RPS6KA2: variants seen among roughly 807,000 people sequenced by gnomAD.
RPS6KA2 encodes the protein ribosomal protein S6 kinase alpha-2.
A neutral mutation model predicts 91.8 loss-of-function variants in RPS6KA2; 42 were observed. The ratio of observed to expected loss-of-function variants is 0.46; its 90% CI spans 0.36 to 0.59. The LOEUF is 0.59. Among genes scored for constraint, RPS6KA2 ranks in the 20% least tolerant of loss-of-function variants. The pLI is 0.00. For missense variants in RPS6KA2, 798 were observed against 978.5 expected, an observed-to-expected ratio of 0.82 and a Z score of 2.46; for synonymous variants, 414 against 393.6, an observed-to-expected ratio of 1.05 and a Z score of -0.61.
chr6:166,456,689 G>A (rs1434188511), intron 12 of RPS6KA2, among the ~76,000 whole-genome samples: 1 of 152,198 alleles, frequency 6.6e-6, no homozygotes, highest in African/African-American at 2.4e-5. Context: ...TTCTACAGCT[G>A]CTCATTCACC....
chr6:166,681,100 G>A (rs999856578), intron 2 of RPS6KA2, among the ~76,000 whole-genome samples: 1 of 152,224 alleles, frequency 6.6e-6, no homozygotes, highest in Admixed American at 6.5e-5. Context: ...GAAAATTGGA[G>A]AAGGTGGAAA....
At chr6:166,862,306 T>C in exon 1 of RPS6KA2, 2 of 1,552,294 alleles carry the variant, frequency 1.3e-6, no homozygotes, top group South Asian at 1.2e-5. Flanking sequence ...GTGGCGGCGA[T>C]GGAGAGGACA....
rs1210186699 is a variant in RPS6KA2 at position 166,500,391 on chromosome 6, CAG to C, written c.604+494_604+495del. On this transcript the variant is annotated intron_variant, in intron 7 of 20. Transcript: ENST00000265678. This position sits in a 1 kb window ranked among gnomAD's most constrained non-coding sequence, Gnocchi z 4.3. ...GTGGCTGCCAGGGCTCAGATGGAAA[CAG>C]GGAGGGAAGTCACGTGGCCACCACC... Among the ~76,000 whole-genome samples the C allele has an allele frequency of 1.3e-5, 2 of 152,158 alleles. No individual in the cohort carries two copies. The highest frequency in any genetic ancestry group is 4.8e-5 in the African/African-American group (2 of 41,436).
intron 2 of RPS6KA2, among the ~76,000 whole-genome samples, chr6:166,691,483 C>T (rs1304748095): frequency 6.6e-6 from 1 of 152,142 alleles, no homozygotes; most frequent in East Asian, 1.9e-4. Flanking sequence ...CTGCTCCTGG[C>T]TCTCTCTCCT....
At chr6:166,560,740 G>A (rs545049594) in intron 1 of RPS6KA2, among the ~76,000 whole-genome samples, 5 of 152,276 alleles carry the variant, frequency 3.3e-5, no homozygotes, top group South Asian at 2.1e-4. Flanking sequence ...CAGGTGCAAC[G>A]TGACCAAGTG....
intron 16 of RPS6KA2, among the ~76,000 whole-genome samples, chr6:166,425,867 C>A (rs547979191): frequency 0.023 from 3,533 of 152,102 alleles, 61 homozygotes; most frequent in Middle Eastern, 0.037. Context: ...ACTTTAACAC[C>A]CCACTGTCAA....
At chr6:166,498,397 C>G in intron 8 of RPS6KA2, 111 bp downstream of exon 8, 1 of 1,257,972 alleles carries the variant, frequency 7.9e-7, no homozygotes, top group Non-Finnish European at 1.1e-6. Context: ...GTGTCCCAAG[C>G]CCTCAGGCAC....
intron 2 of RPS6KA2, among the ~76,000 whole-genome samples, chr6:166,719,994 C>T (rs115323926): frequency 1.3e-5 from 2 of 152,170 alleles, no homozygotes; most frequent in South Asian, 2.1e-4. Context: ...TAACTCTAAA[C>T]CTTTAGCTGG....
At chr6:166,535,906 G>A (rs1219788944) in intron 2 of RPS6KA2, among the ~76,000 whole-genome samples, 1 of 152,258 alleles carries the variant, frequency 6.6e-6, no homozygotes, top group Non-Finnish European at 1.5e-5. Context: ...TCCCGCTGGT[G>A]GTGAGTGCAG....
intron 1 of RPS6KA2, among the ~76,000 whole-genome samples, chr6:166,567,993 C>A (rs1275525010): frequency 1.3e-5 from 2 of 152,188 alleles, no homozygotes; most frequent in Non-Finnish European, 2.9e-5. Flanking sequence ...GGCAGCTCCT[C>A]CTCCTGGGAA....
chr6:166,506,920 C>T (rs537855234), intron 5 of RPS6KA2, among the ~76,000 whole-genome samples: 1 of 152,286 alleles, frequency 6.6e-6, no homozygotes, highest in East Asian at 1.9e-4. Context: ...GCAGAATCTG[C>T]CTTTTGCCAT....
Position 166,726,180 on chromosome 6 carries a change from A to T in RPS6KA2, c.123+132020T>A, listed in dbSNP as rs1790332961. Among the ~76,000 whole-genome samples, 1 of 152,086 alleles carries T rather than the reference A, an allele frequency of 6.6e-6. No individual in the cohort carries two copies. On this transcript the variant is annotated intron_variant, in intron 2 of 21. Coordinates refer to the RPS6KA2 transcript ENST00000503859. The surrounding 1 kb of genome is among the most constrained non-coding windows in gnomAD (Gnocchi z 4.4). ...CTTACTTCACATAACTACTTTGATAAATCTACTATTTATAAGCAAAGTCCT... is the reference window on the plus strand; with the variant it reads ...CTTACTTCACATAACTACTTTGATATATCTACTATTTATAAGCAAAGTCCT...
intron 1 of RPS6KA2, among the ~76,000 whole-genome samples, chr6:166,576,835 T>C (rs1428553932): frequency 6.6e-6 from 1 of 151,886 alleles, no homozygotes; most frequent in East Asian, 1.9e-4. Flanking sequence ...CCCGAGACAA[T>C]GGGGAAAATG....
intron 2 of RPS6KA2, among the ~76,000 whole-genome samples, chr6:166,690,502 C>T (rs1009319311): frequency 9.2e-5 from 14 of 152,236 alleles, no homozygotes; most frequent in South Asian, 2.1e-4. Flanking sequence ...AACAGCTTTA[C>T]ACAGTTCTCG....
chr6:166,612,223 C>T lies in RPS6KA2; in HGVS notation c.99+14698G>A, dbSNP rs1007866011. Among the ~76,000 whole-genome samples the T allele has an allele frequency of 4.1e-4, 63 of 152,224 alleles. No homozygotes were observed. Among genetic ancestry groups the T allele is most frequent in the African/African-American group, 1.4e-3 (59 of 41,542 alleles). On this transcript the variant is annotated intron_variant, in intron 1 of 20. Coordinates refer to ENST00000265678, the MANE Select transcript of RPS6KA2 (RefSeq NM_021135.6). The surrounding 1 kb of genome is among the most constrained non-coding windows in gnomAD (Gnocchi z 4.3). ...CTCTAGGAAAAGCCTGGAAGAGACTCTCTGTGGGAAGCTCAGGGGAGTCAA... is the reference window on the plus strand; with the variant it reads ...CTCTAGGAAAAGCCTGGAAGAGACTTTCTGTGGGAAGCTCAGGGGAGTCAA...
chr6:166,452,439 A>C (rs1323727472), intron 12 of RPS6KA2, among the ~76,000 whole-genome samples: 11 of 152,196 alleles, frequency 7.2e-5, no homozygotes, highest in Admixed American at 7.2e-4. Flanking sequence ...TCAAAAAACC[A>C]ACGTCATTTT....
chr6:166,514,360 C>T (rs879746384), intron 3 of RPS6KA2, among the ~76,000 whole-genome samples: 1 of 152,204 alleles, frequency 6.6e-6, no homozygotes, highest in Non-Finnish European at 1.5e-5. Context: ...CCAGTCCCAC[C>T]TCTTGTGTGC....
rs118098135 is a variant in RPS6KA2, at chr6:166,442,526, A to G, written c.1332+6198T>C. Among the ~76,000 whole-genome samples, 25 of 152,342 alleles carry G rather than the reference A, an allele frequency of 1.6e-4. No individual in the cohort carries two copies. The East Asian group carries it at 4.6e-3, about 28-fold the overall frequency. On this transcript the variant is annotated intron_variant, in intron 14 of 20. Coordinates refer to ENST00000265678, the MANE Select transcript of RPS6KA2 (RefSeq NM_021135.6). Reference sequence around the variant, plus strand: ...ATGACTTCACACATACAGAGCGCTTATAGCAGTGCTTGGCACGTACTGAGT... The same window carrying G: ...ATGACTTCACACATACAGAGCGCTTGTAGCAGTGCTTGGCACGTACTGAGT...
chr6:166,862,093 C>G, intron 1 of RPS6KA2: 1 of 1,614,186 alleles, frequency 6.2e-7, no homozygotes, highest in Non-Finnish European at 8.5e-7. Context: ...AAAGTGCGTT[C>G]TCTCCTGCAC....
Sources: allele counts gnomAD v4.1 joint callset (sites outside exome capture counted in the v4.1 genomes callset), GRCh38; gene constraint gnomAD v4.1.1; non-coding constraint Gnocchi (gnomAD v3.1); transcripts MANE v1.5; gene names NCBI Gene and HGNC (gene_info 2026-07-23, HGNC 2026-07-21).